The following SLC45A1 variants were observed in gnomAD, a reference collection of about 807,000 sequenced individuals.
The protein encoded by SLC45A1 is solute carrier family 45 member 1.
Under a neutral mutation model 57.6 loss-of-function variants are expected in SLC45A1, and 28 were observed. The observed-to-expected ratio is 0.49, with a 90% CI of 0.36 to 0.67. The LOEUF (loss-of-function observed/expected upper bound fraction) is 0.67, where lower values mean the gene tolerates loss of function less well. Among genes scored for constraint, SLC45A1 ranks in the 30% least tolerant of loss-of-function variants. The pLI, the probability that SLC45A1 is intolerant of heterozygous loss-of-function variation, is 0.00. For missense variants in SLC45A1, 814 were observed against 1,041.5 expected, an observed-to-expected ratio of 0.78 and a Z score of 3.01; for synonymous variants, 459 against 471.5, an observed-to-expected ratio of 0.97 and a Z score of 0.34.
Position 8,324,710 on chromosome 1 carries a change from C to T in SLC45A1, c.381C>T (p.Phe127=), listed in dbSNP as rs1256296471. The T allele has an allele frequency of 6.3e-7, 1 of 1,589,514 alleles. No individual in the cohort carries two copies. Among genetic ancestry groups the T allele is most frequent in the Non-Finnish European group, 8.6e-7 (1 of 1,167,406 alleles). ...LPDQLYSLVW[F]ISPILGFLLQ... ...ACCAGCTCTACAGCCTGGTGTGGTT[C>T]ATCAGCCCCATCCTCGGTGAGCCCC... is the stretch of plus-strand genomic sequence containing the variant. Residue 127 remains phenylalanine, a synonymous_variant, in exon 2 of 9, where the codon TTC becomes TTT. Transcript: ENST00000471889.
intron 5 of SLC45A1, among the ~76,000 whole-genome samples, chr1:8,332,432 A>G (rs1288603222): frequency 6.6e-6 from 1 of 151,958 alleles, no homozygotes; most frequent in Non-Finnish European, 1.5e-5. Context: ...TTAAGTTGGT[A>G]TTTAAGTTGG....
intron 8 of SLC45A1, among the ~76,000 whole-genome samples, chr1:8,340,855 A>G (rs1439565056): frequency 6.6e-6 from 1 of 152,150 alleles, no homozygotes; most frequent in Non-Finnish European, 1.5e-5. Flanking sequence ...CTCGTTACGG[A>G]TTATGGATTT....
chr1:8,328,471 G>A lies in SLC45A1; in HGVS notation c.716-1738G>A, dbSNP rs896450615. 6.6e-6 allele frequency among the ~76,000 whole-genome samples: 1 copy of A among 152,254 alleles called. No homozygotes were observed. The highest frequency in any genetic ancestry group is 1.5e-5 in the Non-Finnish European group (1 of 68,042). ...GAGTGCTGGGCTTGGCAGAGAGGAA[G>A]AAGGACGTCGGTTTTTACCTTACGC... is the stretch of plus-strand genomic sequence containing the variant. On this transcript the variant is annotated intron_variant, in intron 4 of 8. Coordinates refer to ENST00000471889, the MANE Select transcript of SLC45A1 (RefSeq NM_001080397.3). The surrounding 1 kb of genome is among the most constrained non-coding windows in gnomAD (Gnocchi z 4.6).
At chr1:8,320,901 G>T (rs914925485) in intron 1 of SLC45A1, among the ~76,000 whole-genome samples, 3 of 152,154 alleles carry the variant, frequency 2.0e-5, no homozygotes, top group African/African-American at 2.4e-5. Context: ...GAGAGGCTGG[G>T]CAGAGGGACA....
intron 4 of SLC45A1, among the ~76,000 whole-genome samples, chr1:8,329,926 G>C (rs1440082146): frequency 6.6e-6 from 1 of 152,204 alleles, no homozygotes; most frequent in East Asian, 1.9e-4. Context: ...AAGTGGAACA[G>C]GCAGGAAGTG....
chr1:8,339,155 C>T (rs558578901), intron 7 of SLC45A1, among the ~76,000 whole-genome samples: 46 of 152,292 alleles, frequency 3.0e-4, no homozygotes, highest in Middle Eastern at 3.4e-3. Context: ...AGGTTTAACT[C>T]GAGACCCTCA....
Position 8,324,504 on chromosome 1 carries a change from T to TGGCCCCCCCCCCCCCCC in SLC45A1, c.175_176insGGCCCCCCCCCCCCCCC (p.Ser59TrpfsTer56). On this transcript the variant is annotated frameshift_variant, in exon 2 of 9. Transcript: ENST00000471889. LOFTEE classifies it high-confidence loss of function. Reference sequence around the variant, plus strand: ...CAAGAGGAGGAAGTGCATTCGTCCCTCCCCACCCCCGCCCCCCAACACCCC... The same window carrying TGGCCCCCCCCCCCCCCC: ...CAAGAGGAGGAAGTGCATTCGTCCCTGGCCCCCCCCCCCCCCCCCCCACCCCCGCCCCCCAACACCCC... 1 of 1,528,584 alleles carries TGGCCCCCCCCCCCCCCC rather than the reference T, an allele frequency of 6.5e-7. No individual in the cohort carries two copies. Among genetic ancestry groups the TGGCCCCCCCCCCCCCCC allele is most frequent in the Non-Finnish European group, 9.0e-7 (1 of 1,108,692 alleles). 94.7% of individuals were successfully genotyped at this position (1,528,584 alleles called of 1,614,324 possible).
intron 8 of SLC45A1, among the ~76,000 whole-genome samples, chr1:8,341,530 G>T (rs551822601): frequency 1.0e-4 from 13 of 127,570 alleles, no homozygotes; most frequent in African/African-American, 3.9e-4. Context: ...GCGAGACTCC[G>T]TCTCAAAAAA....
chr1:8,341,661 G>A (rs1204548748), intron 8 of SLC45A1, among the ~76,000 whole-genome samples: 2 of 151,794 alleles, frequency 1.3e-5, no homozygotes, highest in Admixed American at 6.6e-5. Context: ...AGTAGCTCAC[G>A]CCCGTAATCC....
At chr1:8,331,886 G>A (rs921405520) in intron 5 of SLC45A1, among the ~76,000 whole-genome samples, 16 of 150,364 alleles carry the variant, frequency 1.1e-4, no homozygotes, top group African/African-American at 2.0e-4. Context: ...TCTGCCTCCC[G>A]GGTTCACGCC....
At position 8,344,012 on chromosome 1, in the gene SLC45A1, G is replaced by A. The variant is rs1294501031; in HGVS notation, c.2246G>A (p.Ter749=). The A allele has an allele frequency of 6.2e-7, 1 of 1,603,844 alleles. No individual in the cohort carries two copies. Among genetic ancestry groups the A allele is most frequent in the East Asian group, 2.2e-5 (1 of 44,636 alleles). ...EEHRPLLLNV[*] ...CACCGGCCCCTCCTGCTGAACGTCTGACATCGCGGAGCCTCGACTCCGGAC... is the reference window on the plus strand; with the variant it reads ...CACCGGCCCCTCCTGCTGAACGTCTAACATCGCGGAGCCTCGACTCCGGAC... Residue 749 remains the stop codon, a stop_retained_variant, in exon 9 of 9, where the codon TGA becomes TAA. Coordinates refer to ENST00000471889, the MANE Select transcript of SLC45A1 (RefSeq NM_001080397.3).
At chr1:8,340,168 T>TC (rs1386457788) in intron 8 of SLC45A1, among the ~76,000 whole-genome samples, 3 of 150,504 alleles carry the variant, frequency 2.0e-5, no homozygotes, top group African/African-American at 7.3e-5. Context: ...TTTCTTTCTT[T>TC]TTTTTTTTTT....
intron 5 of SLC45A1, among the ~76,000 whole-genome samples, chr1:8,333,579 G>A (rs1480353385): frequency 6.6e-6 from 1 of 151,950 alleles, no homozygotes; most frequent in Non-Finnish European, 1.5e-5. Context: ...GGGACTACAG[G>A]TGTGCACCAC....
chr1:8,331,815 C>T (rs1424007904), intron 5 of SLC45A1, among the ~76,000 whole-genome samples: 29 of 137,700 alleles, frequency 2.1e-4, no homozygotes, highest in African/African-American at 6.6e-4. Flanking sequence ...TTTTTTGAGA[C>T]GGAGTCTCAC....
At chr1:8,329,453 C>T (rs1025962245) in intron 4 of SLC45A1, among the ~76,000 whole-genome samples, 1 of 152,234 alleles carries the variant, frequency 6.6e-6, no homozygotes, top group Non-Finnish European at 1.5e-5. Flanking sequence ...GGGTGGTGCC[C>T]CTGCAGCTTC....
chr1:8,343,807 A>G lies in SLC45A1; in HGVS notation c.2041A>G (p.Ser681Gly). The G allele has an allele frequency of 6.2e-7, 1 of 1,614,070 alleles. No individual in the cohort carries two copies. Among genetic ancestry groups the G allele is most frequent in the African/African-American group, 1.3e-5 (1 of 75,000 alleles). The part of the protein sequence containing the change: ...RGMGVDISLL[S>G]CQYFLAQILV... ...CATGGGCGTGGACATCTCTCTGCTGAGCTGCCAGTACTTCCTGGCTCAGAT... is the reference window on the plus strand; with the variant it reads ...CATGGGCGTGGACATCTCTCTGCTGGGCTGCCAGTACTTCCTGGCTCAGAT... Residue 681 changes from serine to glycine, a missense_variant, in exon 9 of 9, where the codon AGC becomes GGC. Transcript: ENST00000471889. The surrounding 1 kb of genome is among the most constrained non-coding windows in gnomAD (Gnocchi z 7.7).
At position 8,321,476 on chromosome 1, in the gene SLC45A1, C is replaced by G. The variant is rs1640007095; in HGVS notation, c.-24-2830C>G. On this transcript the variant is annotated intron_variant, in intron 1 of 8. Transcript: ENST00000471889. ...AGGGCTTCATCTCTCACCCCACCCC[C>G]ACTGTGCCCAACTGTTACTCATATC... 1.3e-5 allele frequency among the ~76,000 whole-genome samples: 2 copies of G among 152,180 alleles called. 1 individual carries two copies. The highest frequency in any genetic ancestry group is 4.1e-4 in the South Asian group (2 of 4,828).
chr1:8,330,380 C>A lies in SLC45A1; in HGVS notation c.887C>A (p.Pro296Gln), dbSNP rs747437552. The A allele has an allele frequency of 6.2e-7, 1 of 1,612,866 alleles. No homozygotes were observed. The highest frequency in any genetic ancestry group is 1.3e-5 in the African/African-American group (1 of 74,896). Residue 296 changes from proline to glutamine, a missense_variant, in exon 5 of 9, where the codon CCG (proline) becomes CAG (glutamine). Pro to Gln is a moderately conservative substitution (Grantham distance 76). Transcript: ENST00000471889. This position sits in a 1 kb window ranked among gnomAD's most constrained non-coding sequence, Gnocchi z 8.4. ...ATCCCTGAGAGGCCGCTGCGGCCGC[C>A]GAGTGAGAAGCGGGCAGCCATGAAG... ...VSIPERPLRP[P>Q]SEKRAAMKSP... is the part of the protein sequence containing the mutation.
chr1:8,336,795 G>C (rs888737655), intron 6 of SLC45A1, among the ~76,000 whole-genome samples: 1 of 152,040 alleles, frequency 6.6e-6, no homozygotes, highest in Admixed American at 6.6e-5. Flanking sequence ...ATTATGGTTC[G>C]AGAGGGCCTA....
Sources: allele counts gnomAD v4.1 joint callset (sites outside exome capture counted in the v4.1 genomes callset), GRCh38; gene constraint gnomAD v4.1.1; non-coding constraint Gnocchi (gnomAD v3.1); transcripts MANE v1.5; gene names NCBI Gene and HGNC (gene_info 2026-07-23, HGNC 2026-07-21).